IQCJ: variants seen among roughly 807,000 people sequenced by gnomAD.
IQCJ encodes the protein IQ domain-containing protein J.
Under a neutral mutation model 11.0 loss-of-function variants are expected in IQCJ, and 9 were observed. The observed-to-expected ratio is 0.82, with a 90% CI of 0.49 to 1.43. The LOEUF (loss-of-function observed/expected upper bound fraction) is 1.43, where lower values mean the gene tolerates loss of function less well. Ranked by LOEUF, IQCJ falls within the 40% of genes most tolerant of loss-of-function variation. The pLI is 0.00. For missense variants in IQCJ, 146 were observed against 133.2 expected (o/e 1.10, Z -0.47); for synonymous variants, 55 against 51.3 (o/e 1.07, Z -0.31).
At chr3:159,228,545 C>T (rs181678535) in intron 1 of IQCJ, among the ~76,000 whole-genome samples, 2 of 152,096 alleles carry the variant, frequency 1.3e-5, no homozygotes, top group African/African-American at 4.8e-5. Context: ...AATCCTAGCA[C>T]TTTGGGAGGC....
chr3:159,117,606 G>T (rs940338851), intron 1 of IQCJ, among the ~76,000 whole-genome samples: 2 of 152,180 alleles, frequency 1.3e-5, no homozygotes, highest in Non-Finnish European at 2.9e-5. Flanking sequence ...AAAAGCTCTT[G>T]GCTCAGGTTC....
chr3:159,230,837 C>T (rs1181131073), intron 1 of IQCJ, among the ~76,000 whole-genome samples: 2 of 152,162 alleles, frequency 1.3e-5, no homozygotes, highest in Admixed American at 6.5e-5. Context: ...AACTTCTCCA[C>T]CCAGAAATCT....
intron 1 of IQCJ, among the ~76,000 whole-genome samples, chr3:159,083,068 G>T (rs1171635612): frequency 1.3e-5 from 2 of 152,076 alleles, no homozygotes; most frequent in African/African-American, 4.8e-5. Context: ...TCTTAAACTT[G>T]TCACCAAAAG....
In IQCJ at chr3:159,190,914, A is replaced by C. The variant is rs115248250; in HGVS notation, c.10-54929A>C. Among the ~76,000 whole-genome samples the C allele has an allele frequency of 3.3e-3, 497 of 152,338 alleles. 2 individuals are homozygous for C. The highest frequency in any genetic ancestry group is 4.7e-3 in the Non-Finnish European group (321 of 68,016). ...GTTCTTGTATAGTTAGGGGAACATT[A>C]GACATTGTACCAAATAAACCTCCAC... On this transcript the variant is annotated intron_variant, in intron 1 of 3. Coordinates refer to ENST00000397832, the MANE Select transcript of IQCJ (RefSeq NM_001042706.3).
intron 1 of IQCJ, among the ~76,000 whole-genome samples, chr3:159,081,610 G>A (rs956617705): frequency 6.6e-6 from 1 of 151,978 alleles, no homozygotes; most frequent in Admixed American, 6.6e-5. Flanking sequence ...TTTCAGTGTG[G>A]TTGACCAAAT....
chr3:159,112,835 C>A (rs1219685998), intron 1 of IQCJ, among the ~76,000 whole-genome samples: 1 of 152,086 alleles, frequency 6.6e-6, no homozygotes, highest in Non-Finnish European at 1.5e-5. Context: ...TGAGTGGGAC[C>A]AGCAGACCTG....
Position 159,120,972 on chromosome 3 carries a change from C to CAAAATG in IQCJ, c.9+51532_9+51537dup, listed in dbSNP as rs138351037. 5.3e-3 allele frequency among the ~76,000 whole-genome samples: 805 copies of CAAAATG among 152,020 alleles called. 3 individuals are homozygous for CAAAATG. Among genetic ancestry groups the CAAAATG allele is most frequent in the African/African-American group, 0.019 (772 of 41,454 alleles). ...TAAGATGAAGGGTGAACAGAAAAAGCAAAATGCAAATGCAAATGTTAGTTG... is the reference window on the plus strand; with the variant it reads ...TAAGATGAAGGGTGAACAGAAAAAGCAAAATGAAAATGCAAATGCAAATGTTAGTTG... On this transcript the variant is annotated intron_variant, in intron 1 of 3. Transcript: ENST00000397832.
intron 1 of IQCJ, among the ~76,000 whole-genome samples, chr3:159,234,721 A>C (rs889253106): frequency 1.3e-5 from 2 of 152,216 alleles, no homozygotes; most frequent in Non-Finnish European, 2.9e-5. Context: ...GAGAAGAATC[A>C]AGGCCCTGAA....
rs571376229 is a variant in IQCJ, at chr3:159,250,545, G to A, written c.75-2182G>A. Among the ~76,000 whole-genome samples, 50 of 152,268 alleles carry A rather than the reference G, an allele frequency of 3.3e-4. 1 individual carries two copies. In the South Asian group the frequency reaches 1.0e-2, roughly 30 times the overall value. On this transcript the variant is annotated intron_variant, in intron 2 of 3. Coordinates refer to ENST00000397832, the MANE Select transcript of IQCJ (RefSeq NM_001042706.3). ...TTTAATTAACTCACATTTCCACATGGCTGGGGGCGCCTCAGGAAACTTGCA... is the reference window on the plus strand; with the variant it reads ...TTTAATTAACTCACATTTCCACATGACTGGGGGCGCCTCAGGAAACTTGCA...
At chr3:159,151,784 T>C (rs781087332) in intron 1 of IQCJ, among the ~76,000 whole-genome samples, 21 of 152,242 alleles carry the variant, frequency 1.4e-4, no homozygotes, top group East Asian at 7.8e-4. Context: ...TACAGGTGCC[T>C]GCCACCACGT....
chr3:159,249,596 G>C (rs543194280), intron 2 of IQCJ, among the ~76,000 whole-genome samples: 2 of 152,312 alleles, frequency 1.3e-5, no homozygotes, highest in East Asian at 3.9e-4. Flanking sequence ...TTTCAGGTCA[G>C]GACTACGTCC....
intron 1 of IQCJ, among the ~76,000 whole-genome samples, chr3:159,158,769 A>G (rs1721674028): frequency 6.6e-6 from 1 of 152,252 alleles, no homozygotes; most frequent in Non-Finnish European, 1.5e-5. Flanking sequence ...ATGTCACACT[A>G]TAGTCATTGC....
downstream of IQCJ, among the ~76,000 whole-genome samples, chr3:159,264,910 C>A (rs1839220): frequency 0.71 from 97,149 of 136,118 alleles, 32,994 homozygotes; most frequent in African/African-American, 0.88. Context: ...GAGGGGAAAA[C>A]AAAAAAAAAA....
chr3:159,246,012 G>T, intron 2 of IQCJ, 105 bp downstream of exon 2: 1 of 867,824 alleles, frequency 1.2e-6, no homozygotes. Context: ...AGTTTCTTAT[G>T]TTATCATTGT....
intron 1 of IQCJ, among the ~76,000 whole-genome samples, chr3:159,242,782 T>C (rs1039353149): frequency 6.6e-6 from 1 of 152,000 alleles, no homozygotes; most frequent in African/African-American, 2.4e-5. Context: ...GGAAAATATT[T>C]ATTAGGACAC....
chr3:159,265,157 A>G (rs778621234), downstream of IQCJ: 103 of 1,433,868 alleles, frequency 7.2e-5, no homozygotes, highest in Non-Finnish European at 9.1e-5. Context: ...AGAAAACTTT[A>G]TATGTAGTTG....
At chr3:159,139,169 G>A (rs532969122) in intron 1 of IQCJ, among the ~76,000 whole-genome samples, 2 of 152,044 alleles carry the variant, frequency 1.3e-5, no homozygotes, top group South Asian at 4.2e-4. Context: ...CTTGGATTCT[G>A]TGTTGTAAGG....
chr3:159,120,047 TGTA>T (rs1719267751), intron 1 of IQCJ, among the ~76,000 whole-genome samples: 1 of 152,250 alleles, frequency 6.6e-6, no homozygotes, highest in Non-Finnish European at 1.5e-5. Flanking sequence ...GTTATATACA[TGTA>T]GTACTTTATT....
intron 1 of IQCJ, among the ~76,000 whole-genome samples, chr3:159,146,281 G>A (rs192078692): frequency 6.6e-6 from 1 of 152,066 alleles, no homozygotes; most frequent in South Asian, 2.1e-4. Context: ...GGGTAAGAAG[G>A]CTTTGGAAAT....
Sources: allele counts gnomAD v4.1 joint callset (sites outside exome capture counted in the v4.1 genomes callset), GRCh38; gene constraint gnomAD v4.1.1; transcripts MANE v1.5; gene names NCBI Gene and HGNC (gene_info 2026-07-23, HGNC 2026-07-21).